The following ZZZ3 variants were observed in gnomAD, a reference collection of about 807,000 sequenced individuals.
ZZZ3 encodes the protein zinc finger ZZ-type containing 3, also known as ZZ-type zinc finger-containing protein 3.
A neutral mutation model predicts 95.2 loss-of-function variants in ZZZ3; 22 were observed. That is an observed-to-expected ratio of 0.23 (90% CI 0.17 to 0.33). ZZZ3 has a LOEUF of 0.33. ZZZ3 is among the 10% of genes least tolerant of loss of function. ZZZ3 has a pLI of 1.00. For missense variants in ZZZ3, 885 were observed against 1,066.5 expected, an observed-to-expected ratio of 0.83 and a Z score of 2.37; for synonymous variants, 335 against 358.9, an observed-to-expected ratio of 0.93 and a Z score of 0.75.
intron 1 of ZZZ3, among the ~76,000 whole-genome samples, chr1:77,648,249 C>T (rs892240046): frequency 1.3e-4 from 20 of 149,660 alleles, no homozygotes; most frequent in African/African-American, 3.7e-4. Flanking sequence ...CTTGGGAGGC[C>T]GAGGTGGGAG....
chr1:77,670,259 A>ATT (rs5775413), intron 1 of ZZZ3, among the ~76,000 whole-genome samples: 1 of 145,608 alleles, frequency 6.9e-6, no homozygotes, highest in Non-Finnish European at 1.5e-5. Context: ...ACAACATGCA[A>ATT]TTTTTTTTTT....
intron 5 of ZZZ3, among the ~76,000 whole-genome samples, chr1:77,599,818 A>T (rs1239970318): frequency 3.9e-5 from 6 of 152,138 alleles, no homozygotes; most frequent in Non-Finnish European, 7.4e-5. Context: ...CTAACAAAAC[A>T]TGTCATCCAT....
At chr1:77,636,451 G>A (rs900227526) in intron 4 of ZZZ3, among the ~76,000 whole-genome samples, 1 of 151,946 alleles carries the variant, frequency 6.6e-6, no homozygotes, top group East Asian at 1.9e-4. Context: ...GGTGGCTCAG[G>A]CCTGTAATCC....
chr1:77,612,926 A>C (rs372484980), intron 5 of ZZZ3, among the ~76,000 whole-genome samples: 1 of 152,090 alleles, frequency 6.6e-6, no homozygotes, highest in South Asian at 2.1e-4. Flanking sequence ...TTATTAAGTA[A>C]GCAGATTTCA....
At chr1:77,600,825 C>G (rs1664659388) in intron 5 of ZZZ3, among the ~76,000 whole-genome samples, 1 of 152,094 alleles carries the variant, frequency 6.6e-6, no homozygotes, top group African/African-American at 2.4e-5. Flanking sequence ...AAACTGTACT[C>G]AGACTAGACT....
chr1:77,583,426 G>A (rs142194138), intron 6 of ZZZ3, among the ~76,000 whole-genome samples: 135 of 152,116 alleles, frequency 8.9e-4, no homozygotes, highest in African/African-American at 3.2e-3. Context: ...AACACTTAAA[G>A]GGGCCTCATT....
rs371477197 is a variant in ZZZ3 at position 77,648,418 on chromosome 1, C to T, written c.-402-6763G>A. Among the ~76,000 whole-genome samples, 11 of 149,022 alleles carry T rather than the reference C, an allele frequency of 7.4e-5. No individual in the cohort carries two copies. The South Asian group carries it at 1.3e-3, about 17-fold the overall frequency. ...ATCACTTAAAATGAGAAAAAGCAAT[C>T]GACAGAAAAAGAACTGTACATGACA... On this transcript the variant is annotated intron_variant, in intron 1 of 14. Coordinates refer to ENST00000370801, the MANE Select transcript of ZZZ3 (RefSeq NM_015534.6).
At chr1:77,657,588 A>C (rs1456514549) in intron 1 of ZZZ3, among the ~76,000 whole-genome samples, 1 of 152,224 alleles carries the variant, frequency 6.6e-6, no homozygotes, top group Non-Finnish European at 1.5e-5. Context: ...TGACTGCGAA[A>C]GTGCCAGACA....
In ZZZ3 at chr1:77,632,235, G is replaced by T. The variant is rs759383357; in HGVS notation, c.1120C>A (p.His374Asn). Residue 374 changes from histidine (H) to asparagine (N), a missense_variant, in exon 5 of 15, where the codon CAT becomes AAT. Physicochemically the swap from His to Asn is moderately conservative, Grantham distance 68. This residue lies in a region of ZZZ3 where 556 missense variants were observed against 652.9 expected (regional missense o/e 0.85). Coordinates refer to ENST00000370801, the MANE Select transcript of ZZZ3 (RefSeq NM_015534.6). ...GGTGAGGTTCTCAGAGTATAACGAT[G>T]TTCTTGAGGTTCTGATAAAGACATC... Reference protein sequence around the residue: ...QMMSLSEPQEHRYTLRTSPRR... With the variant: ...QMMSLSEPQENRYTLRTSPRR... 6.2e-7 allele frequency: 1 copy of T among 1,613,980 alleles called. No individual in the cohort carries two copies. Among genetic ancestry groups the T allele is most frequent in the Non-Finnish European group, 8.5e-7 (1 of 1,179,998 alleles).
At chr1:77,609,248 A>C (rs1386676571) in intron 5 of ZZZ3, among the ~76,000 whole-genome samples, 1 of 152,228 alleles carries the variant, frequency 6.6e-6, no homozygotes, top group Non-Finnish European at 1.5e-5. Flanking sequence ...TACTTTTATC[A>C]AACAAAATAG....
intron 7 of ZZZ3, 34 bp from the exon 8 acceptor site, chr1:77,581,925 G>C (rs1192128023): frequency 1.9e-6 from 3 of 1,604,608 alleles, no homozygotes; most frequent in Non-Finnish European, 2.6e-6. Context: ...AACTGTTAAA[G>C]CAAAACATTG....
intron 5 of ZZZ3, among the ~76,000 whole-genome samples, chr1:77,629,602 G>T (rs562496217): frequency 1.3e-5 from 2 of 152,044 alleles, no homozygotes; most frequent in Non-Finnish European, 2.9e-5. Flanking sequence ...CTCCAGCCCG[G>T]GTGGCAGAGT....
chr1:77,578,384 A>G (rs779994187), intron 11 of ZZZ3, among the ~76,000 whole-genome samples: 9 of 152,172 alleles, frequency 5.9e-5, no homozygotes, highest in Non-Finnish European at 1.2e-4. Flanking sequence ...TTAGAATATC[A>G]TAATAAACCT....
intron 5 of ZZZ3, among the ~76,000 whole-genome samples, chr1:77,627,020 A>C (rs1459081618): frequency 6.6e-6 from 1 of 152,134 alleles, no homozygotes; most frequent in Admixed American, 6.5e-5. Context: ...CAATTACAGA[A>C]CCTAACCTCA....
chr1:77,576,893 C>A (rs992655438), intron 11 of ZZZ3, among the ~76,000 whole-genome samples: 1 of 152,178 alleles, frequency 6.6e-6, no homozygotes, highest in Non-Finnish European at 1.5e-5. Context: ...GACAAGCTTG[C>A]TCTATGCCAA....
rs1379462406 is a variant in ZZZ3, at chr1:77,582,144, A to T, written c.1645-18T>A. 6.4e-7 allele frequency: 1 copy of T among 1,571,326 alleles called. No individual in the cohort carries two copies. ...ATATCAGCCTGGAGGCAGGGGAGAA[A>T]AAACAAAATAAAGTAAAAGTCTAAA... On this transcript the variant is annotated intron_variant, in intron 6 of 14. Coordinates refer to ENST00000370801, the MANE Select transcript of ZZZ3 (RefSeq NM_015534.6).
chr1:77,671,384 G>A (rs1671772642), intron 1 of ZZZ3, among the ~76,000 whole-genome samples: 2 of 152,110 alleles, frequency 1.3e-5, no homozygotes, highest in African/African-American at 2.4e-5. Flanking sequence ...AAATGTCACT[G>A]TAAAATGTGA....
At chr1:77,620,108 G>T (rs532089577) in intron 5 of ZZZ3, among the ~76,000 whole-genome samples, 2 of 152,200 alleles carry the variant, frequency 1.3e-5, no homozygotes, top group African/African-American at 4.8e-5. Context: ...ATTTCTCAGA[G>T]AATATGATGT....
intron 6 of ZZZ3, among the ~76,000 whole-genome samples, chr1:77,582,627 A>C (rs1009030710): frequency 6.6e-6 from 1 of 151,530 alleles, no homozygotes; most frequent in Admixed American, 6.6e-5. Flanking sequence ...CTAGTAGGAA[A>C]ATTTTTTTCC....
Sources: gnomAD v4.1 joint callset for allele counts (sites outside exome capture counted in the v4.1 genomes callset) on GRCh38, gnomAD v4.1.1 for gene constraint, gnomAD v4.1.1 regional missense constraint, MANE v1.5 for transcripts, NCBI Gene and HGNC (gene_info 2026-07-23, HGNC 2026-07-21) for gene names.